Variants in GALNT18 observed in about 807,000 individuals in gnomAD.
GALNT18 encodes the protein GalNAc-transferase 18.
In GALNT18, 44 loss-of-function variants were observed where a neutral mutation model predicts 69.5. The ratio of observed to expected loss-of-function variants is 0.63; its 90% CI spans 0.50 to 0.81. The LOEUF is 0.81. GALNT18 is among the 40% of genes least tolerant of loss of function. The pLI is 0.00. For synonymous variants in GALNT18, 364 were observed against 318.2 expected (o/e 1.14, Z -1.53); for missense variants, 715 against 810.0 (o/e 0.88, Z 1.42).
chr11:11,403,036 G>A (rs965674818), intron 3 of GALNT18, among the ~76,000 whole-genome samples: 4 of 152,184 alleles, frequency 2.6e-5, no homozygotes, highest in East Asian at 3.9e-4. Context: ...AAGGAATGAC[G>A]CTCCAGCATG....
chr11:11,464,600 A>G (rs1389404949), intron 1 of GALNT18, among the ~76,000 whole-genome samples: 1 of 152,234 alleles, frequency 6.6e-6, no homozygotes, highest in East Asian at 1.9e-4. Flanking sequence ...GTACCCACAG[A>G]AAAGTGAAAA....
chr11:11,468,824 G>A lies in GALNT18; in HGVS notation c.236-19888C>T, dbSNP rs764709000. Reference sequence around the variant, plus strand: ...GGTGTGGCAGATTCTACAGGTGCTGGTGCTGGAGAAAATGTTATAAACCAC... The same window carrying A: ...GGTGTGGCAGATTCTACAGGTGCTGATGCTGGAGAAAATGTTATAAACCAC... On this transcript the variant is annotated intron_variant, in intron 1 of 10. Coordinates refer to ENST00000227756, the MANE Select transcript of GALNT18 (RefSeq NM_198516.3). Among the ~76,000 whole-genome samples, 4 of 152,202 alleles carry A rather than the reference G, an allele frequency of 2.6e-5. No homozygotes were observed. In the South Asian group the frequency reaches 8.3e-4, roughly 32 times the overall value.
rs149685166 is a variant in GALNT18, at chr11:11,288,349, G to T, written c.1677+4680C>A. Among the ~76,000 whole-genome samples the T allele has an allele frequency of 3.1e-3, 471 of 152,180 alleles. 18 individuals carry two copies. Among genetic ancestry groups the T allele is most frequent in the Admixed American group, 0.026 (392 of 15,286 alleles). On this transcript the variant is annotated intron_variant, in intron 10 of 10. Transcript: ENST00000227756. Reference sequence around the variant, plus strand: ...CTTTGCCCAAGTGAGCCTCTACTTGGGATGTTCTATGCTTGGAAACTGTCT... The same window carrying T: ...CTTTGCCCAAGTGAGCCTCTACTTGTGATGTTCTATGCTTGGAAACTGTCT...
In GALNT18 at chr11:11,271,025, T is replaced by C. The variant is rs1848815065; in HGVS notation, c.*119A>G. 13 of 813,428 alleles carry C rather than the reference T, an allele frequency of 1.6e-5. No individual in the cohort carries two copies. In the South Asian group the frequency reaches 3.0e-4, roughly 19 times the overall value. 50.4% of individuals were successfully genotyped at this position (813,428 alleles called of 1,614,324 possible). A position where few individuals can be genotyped will look rare whatever the true frequency, so the allele number is the denominator to read the frequency against. ...AAATTGAATAGGAAATAAAAAGCTC[T>C]TCTTGGGGGCCCACTAACCTGGTTC... On this transcript the variant is annotated 3_prime_UTR_variant, in exon 11 of 11. Transcript: ENST00000227756.
chr11:11,433,510 T>A (rs1404584678), intron 2 of GALNT18, among the ~76,000 whole-genome samples: 1 of 152,144 alleles, frequency 6.6e-6, no homozygotes, highest in African/African-American at 2.4e-5. Flanking sequence ...TGCACCAGGA[T>A]CTCTCCTTGA....
rs187912606 is a variant in GALNT18, at chr11:11,581,396, G to A, written c.235+39963C>T. On this transcript the variant is annotated intron_variant, in intron 1 of 10. Coordinates refer to ENST00000227756, the MANE Select transcript of GALNT18 (RefSeq NM_198516.3). ...GTCATGTGTGATTCCTGCCTTCTGG[G>A]GATGCCTGCCAGGATTTTCTGCTTC... is the stretch of plus-strand genomic sequence containing the variant. 2.2e-4 allele frequency among the ~76,000 whole-genome samples: 34 copies of A among 152,292 alleles called. No homozygotes were observed. In the East Asian group the frequency reaches 6.4e-3, roughly 29 times the overall value.
Position 11,605,619 on chromosome 11 carries a change from T to C in GALNT18, c.235+15740A>G, listed in dbSNP as rs1158411718. 6.6e-6 allele frequency among the ~76,000 whole-genome samples: 1 copy of C among 152,186 alleles called. No individual in the cohort carries two copies. Among genetic ancestry groups the C allele is most frequent in the African/African-American group, 2.4e-5 (1 of 41,444 alleles). On this transcript the variant is annotated intron_variant, in intron 1 of 10. Coordinates refer to ENST00000227756, the MANE Select transcript of GALNT18 (RefSeq NM_198516.3). The surrounding 1 kb of genome is among the most constrained non-coding windows in gnomAD (Gnocchi z 4.7). ...CTTTCTTGAAAATGAAGCTATGCTTTCTCCTTTCTAGTGACTCTTCAGGTG... is the reference window on the plus strand; with the variant it reads ...CTTTCTTGAAAATGAAGCTATGCTTCCTCCTTTCTAGTGACTCTTCAGGTG...
rs144267138 is a variant in GALNT18, at chr11:11,519,840, C to T, written c.236-70904G>A. Among the ~76,000 whole-genome samples, 13 of 152,356 alleles carry T rather than the reference C, an allele frequency of 8.5e-5. No homozygotes were observed. In the East Asian group the frequency reaches 2.5e-3, roughly 29 times the overall value. ...GGGAACCCACCCTCTCCTACTCTTG[C>T]TCCTAGCAGGTATATAAAGTCTGTG... On this transcript the variant is annotated intron_variant, in intron 1 of 10. Coordinates refer to ENST00000227756, the MANE Select transcript of GALNT18 (RefSeq NM_198516.3).
At chr11:11,520,961 C>A (rs887061730) in intron 1 of GALNT18, among the ~76,000 whole-genome samples, 15 of 152,064 alleles carry the variant, frequency 9.9e-5, no homozygotes, top group African/African-American at 2.9e-4. Context: ...CCGTAGGGAG[C>A]CTTAGAGCCC....
intron 1 of GALNT18, among the ~76,000 whole-genome samples, chr11:11,610,528 A>T (rs2133961840): frequency 6.6e-6 from 1 of 152,296 alleles, no homozygotes; most frequent in East Asian, 1.9e-4. Flanking sequence ...ATTTTTCTAT[A>T]GTCCTTCCTC....
chr11:11,318,053 G>A lies in GALNT18; in HGVS notation c.1512+9033C>T, dbSNP rs983342109. ...TTTTGTGACAAAGACAAGATCTCCC[G>A]GACACACAGAAAACCACAACTTGCT... On this transcript the variant is annotated intron_variant, in intron 9 of 10. Transcript: ENST00000227756. The surrounding 1 kb of genome is among the most constrained non-coding windows in gnomAD (Gnocchi z 5.1). Among the ~76,000 whole-genome samples, 4 of 152,078 alleles carry A rather than the reference G, an allele frequency of 2.6e-5. No homozygotes were observed. The highest frequency in any genetic ancestry group is 3.9e-4 in the East Asian group (2 of 5,182).
intron 3 of GALNT18, among the ~76,000 whole-genome samples, chr11:11,388,180 C>T (rs1854097645): frequency 6.6e-6 from 1 of 152,106 alleles, no homozygotes; most frequent in South Asian, 2.1e-4. Context: ...ATAGGCCCCA[C>T]CCATCTGTTT....
intron 2 of GALNT18, among the ~76,000 whole-genome samples, chr11:11,442,420 T>G (rs571124250): frequency 6.6e-6 from 1 of 152,174 alleles, no homozygotes; most frequent in African/African-American, 2.4e-5. Flanking sequence ...GGGATTAGGA[T>G]GTGGACCTCT....
intron 1 of GALNT18, among the ~76,000 whole-genome samples, chr11:11,488,987 GA>G (rs1255098355): frequency 6.6e-6 from 1 of 152,232 alleles, no homozygotes; most frequent in Non-Finnish European, 1.5e-5. Context: ...AGAATAAAAA[GA>G]AGGGCTTAGT....
intron 10 of GALNT18, among the ~76,000 whole-genome samples, chr11:11,278,311 C>G (rs1223058886): frequency 2.1e-5 from 3 of 143,446 alleles, no homozygotes; most frequent in Non-Finnish European, 4.5e-5. Flanking sequence ...CCAAGTTGAC[C>G]AACGAGAACA....
intron 1 of GALNT18, among the ~76,000 whole-genome samples, chr11:11,588,497 G>A (rs772199912): frequency 6.6e-6 from 1 of 152,160 alleles, no homozygotes; most frequent in African/African-American, 2.4e-5. Context: ...TACTAGTCAT[G>A]AATTCTCTCC....
In GALNT18 at chr11:11,432,177, C is replaced by A. The variant is rs1443093068; in HGVS notation, c.595+444G>T. Among the ~76,000 whole-genome samples the A allele has an allele frequency of 6.6e-6, 1 of 152,160 alleles. No individual in the cohort carries two copies. The highest frequency in any genetic ancestry group is 2.4e-5 in the African/African-American group (1 of 41,434). On this transcript the variant is annotated intron_variant, in intron 3 of 10. Coordinates refer to ENST00000227756, the MANE Select transcript of GALNT18 (RefSeq NM_198516.3). This position sits in a 1 kb window ranked among gnomAD's most constrained non-coding sequence, Gnocchi z 5.8. ...CCACTGCCATCCCCATCATCACCACCACTACAACCTCCATCACCACCAGCA... is the reference window on the plus strand; with the variant it reads ...CCACTGCCATCCCCATCATCACCACAACTACAACCTCCATCACCACCAGCA...
intron 10 of GALNT18, among the ~76,000 whole-genome samples, chr11:11,272,744 A>AC (rs139957329): frequency 0.04 from 6,129 of 151,820 alleles, 391 homozygotes; most frequent in African/African-American, 0.14. Flanking sequence ...CCCATGCCCC[A>AC]CCTCCACTTC....
intron 1 of GALNT18, among the ~76,000 whole-genome samples, chr11:11,455,790 G>A (rs1480116477): frequency 6.6e-6 from 1 of 152,094 alleles, no homozygotes; most frequent in Non-Finnish European, 1.5e-5. Flanking sequence ...ATCACAAAAA[G>A]GTACTCTCTA....
Sources: allele counts gnomAD v4.1 joint callset (sites outside exome capture counted in the v4.1 genomes callset), GRCh38; gene constraint gnomAD v4.1.1; non-coding constraint Gnocchi (gnomAD v3.1); transcripts MANE v1.5; gene names NCBI Gene and HGNC (gene_info 2026-07-23, HGNC 2026-07-21).